The following UTRN variants were observed in gnomAD, a reference collection of about 807,000 sequenced individuals.
UTRN encodes utrophin.
A neutral mutation model predicts 463.9 loss-of-function variants in UTRN; 283 were observed. The ratio of observed to expected loss-of-function variants is 0.61; its 90% CI spans 0.55 to 0.67. The LOEUF is 0.67. Among genes scored for constraint, UTRN ranks in the 30% least tolerant of loss-of-function variants. The probability of loss-of-function intolerance (pLI) is 0.00; values close to 1 mark genes in which losing one functional copy is unlikely to be tolerated. For missense variants in UTRN, 3,922 were observed against 4,084.3 expected (o/e 0.96, Z 1.08); for synonymous variants, 1,442 against 1,431.5 (o/e 1.01, Z -0.17).
At chr6:144,470,054 T>G (rs1267308489) in intron 23 of UTRN, among the ~76,000 whole-genome samples, 1 of 152,004 alleles carries the variant, frequency 6.6e-6, no homozygotes, top group African/African-American at 2.4e-5. Flanking sequence ...CAAGGCAGAA[T>G]AATTTTTCTT....
intron 58 of UTRN, among the ~76,000 whole-genome samples, chr6:144,762,556 T>A (rs1792828852): frequency 6.6e-6 from 1 of 152,190 alleles, no homozygotes; most frequent in Admixed American, 6.5e-5. Context: ...GAGGATCTAT[T>A]TTCTAGATGT....
chr6:144,690,981 G>A (rs534583384), intron 52 of UTRN, among the ~76,000 whole-genome samples: 1 of 152,224 alleles, frequency 6.6e-6, no homozygotes, highest in South Asian at 2.1e-4. Context: ...TTGGAAATAA[G>A]TTCACAGTAT....
chr6:144,751,984 T>A (rs750932166), intron 56 of UTRN, 32 bp downstream of exon 56: 1 of 1,568,408 alleles, frequency 6.4e-7, no homozygotes, highest in Non-Finnish European at 8.6e-7. Context: ...TAATGCAGGC[T>A]TACACCTTGG....
At chr6:144,522,604 A>T (rs1022147156) in intron 40 of UTRN, among the ~76,000 whole-genome samples, 1 of 152,186 alleles carries the variant, frequency 6.6e-6, no homozygotes, top group Non-Finnish European at 1.5e-5. Flanking sequence ...ATGTAACTTG[A>T]TTGCATTTAT....
intron 51 of UTRN, among the ~76,000 whole-genome samples, chr6:144,648,844 T>C (rs1287668059): frequency 6.6e-6 from 1 of 152,238 alleles, no homozygotes; most frequent in East Asian, 1.9e-4. Flanking sequence ...TCAAATTGTT[T>C]TGCTCATATC....
intron 2 of UTRN, among the ~76,000 whole-genome samples, chr6:144,340,944 C>T (rs1239872141): frequency 6.6e-6 from 1 of 152,198 alleles, no homozygotes; most frequent in African/African-American, 2.4e-5. Context: ...AGCCTTTGCA[C>T]TTGTGTGTGT....
intron 52 of UTRN, among the ~76,000 whole-genome samples, chr6:144,685,920 C>G (rs1315484232): frequency 6.6e-6 from 1 of 151,804 alleles, no homozygotes; most frequent in Non-Finnish European, 1.5e-5. Context: ...TATTTTTGTT[C>G]TTGCTACATT....
At position 144,347,837 on chromosome 6, in the gene UTRN, G is replaced by GTTTTTTTTT. The variant is rs560581181; in HGVS notation, c.80-55282_80-55274dup. Among the ~76,000 whole-genome samples the GTTTTTTTTT allele has an allele frequency of 4.0e-4, 52 of 128,904 alleles. 6 individuals are homozygous for GTTTTTTTTT. Among genetic ancestry groups the GTTTTTTTTT allele is most frequent in the African/African-American group, 1.7e-3 (49 of 29,470 alleles). The allele number at this position is 128,904 out of a possible 152,430, so 84.6% of individuals were successfully genotyped here. On this transcript the variant is annotated intron_variant, in intron 2 of 74. Transcript: ENST00000367545. ...TCTCCTGAACTGTGGCTTATTCTTT[G>GTTTTTTTTT]TTTTTTTTTTTTGTTTTTTTTTTTG... is the stretch of plus-strand genomic sequence containing the variant.
intron 2 of UTRN, among the ~76,000 whole-genome samples, chr6:144,353,487 G>T (rs1778294498): frequency 6.6e-6 from 1 of 150,566 alleles, no homozygotes; most frequent in South Asian, 2.1e-4. Flanking sequence ...TGAACTTCTG[G>T]GCCCAAGTAA....
chr6:144,378,853 G>T (rs961607074), intron 2 of UTRN, among the ~76,000 whole-genome samples: 3 of 152,212 alleles, frequency 2.0e-5, no homozygotes, highest in African/African-American at 7.2e-5. Flanking sequence ...TGGACTGGGG[G>T]TTGACAGTGG....
In UTRN at chr6:144,748,449, A is replaced by G; in HGVS notation, c.8143A>G (p.Asn2715Asp). 6.2e-7 allele frequency: 1 copy of G among 1,614,002 alleles called. No homozygotes were observed. The highest frequency in any genetic ancestry group is 8.5e-7 in the Non-Finnish European group (1 of 1,179,922). ...CATGAAGGAGGCAGAGTCCGTGCGGAATGGCTGGAAGCCCGTGGGAGACTT... is the reference window on the plus strand; with the variant it reads ...CATGAAGGAGGCAGAGTCCGTGCGGGATGGCTGGAAGCCCGTGGGAGACTT... ...ADMKEAESVR[N>D]GWKPVGDLLI... Residue 2715 changes from asparagine (N) to aspartate (D), a missense_variant, in exon 55 of 75, where the codon AAT becomes GAT. By Grantham distance (23) the Asn-to-Asp change is conservative (BLOSUM62 1). Around this residue, in one of 3 missense-constraint regions of UTRN, gnomAD observed 1,309 missense variants for 1,452.6 expected, o/e 0.90. Coordinates refer to ENST00000367545, the MANE Select transcript of UTRN (RefSeq NM_007124.3).
intron 7 of UTRN, among the ~76,000 whole-genome samples, chr6:144,427,030 C>T (rs954054259): frequency 1.3e-5 from 2 of 152,108 alleles, no homozygotes; most frequent in African/African-American, 2.4e-5. Flanking sequence ...TAAGCTGAAC[C>T]ATATGAAATT....
At chr6:144,758,188 G>A in intron 58 of UTRN, 199 bp downstream of exon 58, 2 of 439,926 alleles carry the variant, frequency 4.5e-6, no homozygotes, top group East Asian at 3.6e-5. Context: ...AGGGATATAG[G>A]TGTGTTTAGC....
intron 58 of UTRN, among the ~76,000 whole-genome samples, chr6:144,771,398 G>T (rs914415183): frequency 2.0e-5 from 3 of 151,794 alleles, no homozygotes; most frequent in African/African-American, 4.8e-5. Flanking sequence ...TAGATGTGAG[G>T]CACCACACCT....
At chr6:144,391,219 G>A (rs558117289) in intron 2 of UTRN, among the ~76,000 whole-genome samples, 2 of 152,114 alleles carry the variant, frequency 1.3e-5, no homozygotes, top group Admixed American at 1.3e-4. Flanking sequence ...CTACAGGCAT[G>A]TACCACCATA....
intron 2 of UTRN, among the ~76,000 whole-genome samples, chr6:144,343,544 G>A (rs776054627): frequency 1.3e-5 from 2 of 151,370 alleles, no homozygotes; most frequent in Non-Finnish European, 2.9e-5. Context: ...TGGGTGACGA[G>A]TGAAAAAAAA....
At chr6:144,633,296 C>T (rs1383322268) in intron 51 of UTRN, among the ~76,000 whole-genome samples, 1 of 146,360 alleles carries the variant, frequency 6.8e-6, no homozygotes, top group Non-Finnish European at 1.5e-5. Context: ...ATGGCGCGAT[C>T]TCGGCGCACT....
intron 2 of UTRN, among the ~76,000 whole-genome samples, chr6:144,328,352 G>A (rs1269875997): frequency 6.6e-6 from 1 of 152,122 alleles, no homozygotes; most frequent in Admixed American, 6.5e-5. Flanking sequence ...GAGAGGTGAT[G>A]AAACAAAGGA....
intron 53 of UTRN, among the ~76,000 whole-genome samples, chr6:144,722,881 C>A (rs544420476): frequency 6.6e-5 from 10 of 152,278 alleles, no homozygotes; most frequent in African/African-American, 2.2e-4. Context: ...ATGACTATAA[C>A]CTCACTAGTA....
Sources: gnomAD v4.1 joint callset for allele counts (sites outside exome capture counted in the v4.1 genomes callset) on GRCh38, gnomAD v4.1.1 for gene constraint, gnomAD v4.1.1 regional missense constraint, MANE v1.5 for transcripts, NCBI Gene and HGNC (gene_info 2026-07-23, HGNC 2026-07-21) for gene names.